The following FRMPD3 variants were observed in gnomAD, a reference collection of about 807,000 sequenced individuals.
FRMPD3 encodes the protein FERM and PDZ domain containing 3.
A neutral mutation model predicts 97.9 loss-of-function variants in FRMPD3; 42 were observed. The observed-to-expected ratio is 0.43, with a 90% confidence interval of 0.34 to 0.55. The LOEUF (loss-of-function observed/expected upper bound fraction) is 0.55. Ranked by LOEUF, FRMPD3 falls within the 20% of genes least tolerant of loss-of-function variation. The probability of loss-of-function intolerance (pLI) is 0.03; values close to 1 mark genes in which losing one functional copy is unlikely to be tolerated. For missense variants in FRMPD3, 1,303 were observed against 1,457.7 expected, an observed-to-expected ratio of 0.89 and a Z score of 1.73; for synonymous variants, 577 against 581.1, an observed-to-expected ratio of 0.99 and a Z score of 0.10.
chrX:107,548,100 A>G (rs1471173755), intron 5 of FRMPD3, among the ~76,000 whole-genome samples: 1 of 112,004 alleles, frequency 8.9e-6, no homozygotes, highest in African/African-American at 3.3e-5. Flanking sequence ...TGCTTTGTCC[A>G]TGATCCATGA....
At chrX:107,547,049 T>G (rs1257949607) in intron 5 of FRMPD3, among the ~76,000 whole-genome samples, 1 of 111,461 alleles carries the variant, frequency 9.0e-6, no homozygotes, top group Non-Finnish European at 1.9e-5. Context: ...GCTGTCTGAA[T>G]AATTGATGGT....
chrX:107,538,974 A>C (rs1388989048), intron 4 of FRMPD3, among the ~76,000 whole-genome samples: 1 of 111,863 alleles, frequency 8.9e-6, no homozygotes, highest in African/African-American at 3.3e-5. Flanking sequence ...ATGGTTCTTG[A>C]CCCTGTTTAT....
intron 1 of FRMPD3, among the ~76,000 whole-genome samples, chrX:107,480,407 A>G (rs1921314219): frequency 8.9e-6 from 1 of 111,796 alleles, no homozygotes; most frequent in Non-Finnish European, 1.9e-5. Context: ...TCACAGCATA[A>G]CATAGCTCAC....
Position 107,597,497 on chromosome X carries a change from C to T in FRMPD3, c.1618C>T (p.Gln540Ter), listed in dbSNP as rs1475372242. ...CCATATGCGGGAACAAAGGAAGGAG[C>T]AGGAAAGCCGGACAGATGTCAACGA... ...YLHMREQRKEQESRTDVNENL... is the reference protein window; with the variant it reads ...YLHMREQRKE Residue 540 changes from glutamine (Q) to a stop codon, truncating the protein, a stop_gained, in exon 14 of 15, where the codon CAG (glutamine) becomes TAG (stop). Coordinates refer to ENST00000683843, the MANE Select transcript of FRMPD3 (RefSeq NM_001388459.1). LOFTEE classifies it high-confidence loss of function. 8.3e-7 allele frequency: 1 copy of T among 1,210,881 alleles called. No homozygotes were observed. The highest frequency in any genetic ancestry group is 1.1e-6 in the Non-Finnish European group (1 of 895,456).
chrX:107,591,428 A>AT (rs1923896830), intron 13 of FRMPD3, among the ~76,000 whole-genome samples: 1 of 112,210 alleles, frequency 8.9e-6, no homozygotes, highest in African/African-American at 3.2e-5. Flanking sequence ...AAGTGCTGGG[A>AT]TTACAGGCGT....
intron 1 of FRMPD3, among the ~76,000 whole-genome samples, chrX:107,511,654 A>G (rs1402144999): frequency 8.9e-6 from 1 of 112,774 alleles, no homozygotes; most frequent in African/African-American, 3.2e-5. Flanking sequence ...GCACCTGCCA[A>G]ACAGCCCCCA....
chrX:107,512,089 C>T (rs1398787003), intron 1 of FRMPD3, among the ~76,000 whole-genome samples: 1 of 110,216 alleles, frequency 9.1e-6, no homozygotes. Context: ...ACTCACACTA[C>T]AGCCTCCGGT....
intron 11 of FRMPD3, among the ~76,000 whole-genome samples, chrX:107,563,903 T>C (rs1008144855): frequency 8.9e-6 from 1 of 112,220 alleles, no homozygotes; most frequent in Admixed American, 9.4e-5. Context: ...GGTCCCACCC[T>C]AAGACTGTGC....
chrX:107,503,553 G>A (rs1921963286), intron 1 of FRMPD3, among the ~76,000 whole-genome samples: 1 of 112,150 alleles, frequency 8.9e-6, no homozygotes, highest in South Asian at 3.7e-4. Context: ...ATATTTGAGG[G>A]AAAATACCAG....
Position 107,473,412 on chromosome X carries a change from A to G in FRMPD3, c.-8+23407A>G, listed in dbSNP as rs184062810. On this transcript the variant is annotated intron_variant, in intron 1 of 14. Transcript: ENST00000683843. ...ATTTGCAGACTTTTGTGTAGATGCC[A>G]GGTTTGCCTTTGCGGGCACGGAATC... Among the ~76,000 whole-genome samples, 194 of 111,019 alleles carry G rather than the reference A, an allele frequency of 1.7e-3. 1 individual carries two copies. The highest frequency in any genetic ancestry group is 2.9e-3 in the Non-Finnish European group (155 of 52,788).
At chrX:107,561,363 T>A (rs1260049103) in intron 10 of FRMPD3, among the ~76,000 whole-genome samples, 1 of 110,902 alleles carries the variant, frequency 9.0e-6, no homozygotes, top group Non-Finnish European at 1.9e-5. Context: ...AAAAAAAATG[T>A]AAAAAAAGGA....
chrX:107,601,683 G>T lies in FRMPD3; in HGVS notation c.3644G>T (p.Arg1215Leu). The T allele has an allele frequency of 8.3e-7, 1 of 1,211,148 alleles. No homozygotes were observed. Among genetic ancestry groups the T allele is most frequent in the Admixed American group, 2.2e-5 (1 of 46,086 alleles). Residue 1215 changes from arginine to leucine, a missense_variant, in exon 15 of 15, where the codon CGG becomes CTG. By Grantham distance (102) the Arg-to-Leu change is moderately radical. Transcript: ENST00000683843. ...AKPKSSRGPF[R>L]LRNLFSATFP... ...CCCAAGTCATCCCGAGGTCCTTTCC[G>T]GCTACGCAATTTATTCTCTGCCACC...
intron 13 of FRMPD3, among the ~76,000 whole-genome samples, chrX:107,587,724 G>A (rs185503043): frequency 3.8e-4 from 43 of 111,872 alleles, no homozygotes; most frequent in South Asian, 1.1e-3. Flanking sequence ...AGTTTGTCTG[G>A]ATATGAAATT....
At chrX:107,596,860 TCTG>T (rs1351896439) in intron 13 of FRMPD3, among the ~76,000 whole-genome samples, 4 of 112,125 alleles carry the variant, frequency 3.6e-5, no homozygotes, top group Non-Finnish European at 7.5e-5. Context: ...TTTATTTCCT[TCTG>T]CTAGAAGAGA....
At chrX:107,570,184 G>T (rs1415294859) in intron 12 of FRMPD3, among the ~76,000 whole-genome samples, 3 of 97,966 alleles carry the variant, frequency 3.1e-5, no homozygotes, top group East Asian at 3.3e-4. Context: ...AGGGAGGAAG[G>T]GGGGAGCGGG....
chrX:107,462,282 T>G (rs1931491609), intron 1 of FRMPD3, among the ~76,000 whole-genome samples: 1 of 112,026 alleles, frequency 8.9e-6, no homozygotes, highest in Non-Finnish European at 1.9e-5. Context: ...TAATTTTTCT[T>G]TCTCCCCAGC....
chrX:107,458,779 G>A (rs760896891), intron 1 of FRMPD3, among the ~76,000 whole-genome samples: 5 of 111,519 alleles, frequency 4.5e-5, no homozygotes, highest in Non-Finnish European at 9.4e-5. Context: ...GTTGGAAGCA[G>A]AATTGATTGG....
intron 9 of FRMPD3, 85 bp downstream of exon 9, chrX:107,560,478 C>A (rs1450641320): frequency 5.4e-6 from 6 of 1,110,727 alleles, no homozygotes; most frequent in Non-Finnish European, 7.3e-6. Flanking sequence ...CTATGCTTTT[C>A]AGAAATGTAG....
chrX:107,553,675 A>G (rs1402366306), intron 7 of FRMPD3, among the ~76,000 whole-genome samples: 1 of 111,439 alleles, frequency 9.0e-6, no homozygotes, highest in Non-Finnish European at 1.9e-5. Flanking sequence ...GATTTTTGGA[A>G]AGAGAGATTC....
Sources: gnomAD v4.1 joint callset for allele counts (sites outside exome capture counted in the v4.1 genomes callset) on GRCh38, gnomAD v4.1.1 for gene constraint, MANE v1.5 for transcripts, NCBI Gene and HGNC (gene_info 2026-07-23, HGNC 2026-07-21) for gene names.